SEC24B: variants seen among roughly 807,000 people sequenced by gnomAD.
SEC24B encodes protein transport protein Sec24B.
SEC24B carries 45 observed loss-of-function variants against 142.8 expected under a neutral mutation model. That is an observed-to-expected ratio of 0.32 (90% CI 0.25 to 0.40). The LOEUF is 0.40. Ranked by LOEUF, SEC24B falls within the 10% of genes least tolerant of loss-of-function variation. The pLI, the probability that SEC24B is intolerant of heterozygous loss-of-function variation, is 1.00. For synonymous variants in SEC24B, 574 were observed against 568.2 expected, an observed-to-expected ratio of 1.01 and a Z score of -0.15; for missense variants, 1,409 against 1,526.8, an observed-to-expected ratio of 0.92 and a Z score of 1.29.
At chr4:109,488,953 T>A (rs1168758531) in intron 4 of SEC24B, among the ~76,000 whole-genome samples, 1 of 152,144 alleles carries the variant, frequency 6.6e-6, no homozygotes. Flanking sequence ...TTTGGTTATT[T>A]GTTGTTTTAT....
chr4:109,482,977 T>TACACACAC (rs1328212925), intron 4 of SEC24B, among the ~76,000 whole-genome samples: 7 of 47,462 alleles, frequency 1.5e-4, no homozygotes, highest in African/African-American at 3.0e-4. Flanking sequence ...TATATATATA[T>TACACACAC]ATACACACAC....
chr4:109,435,013 A>C (rs1409762348), intron 1 of SEC24B, among the ~76,000 whole-genome samples: 4 of 152,260 alleles, frequency 2.6e-5, no homozygotes, highest in Admixed American at 2.6e-4. Flanking sequence ...GACTGAATTT[A>C]GAAAAATACC....
chr4:109,530,458 C>G lies in SEC24B; in HGVS notation c.3246C>G (p.Leu1082=). Residue 1082 remains leucine, a synonymous_variant, in exon 19 of 24, where the codon CTC becomes CTG. Transcript: ENST00000265175. ...KLFPLYVLAL[L]KQKAFRTGTS... ...TTCCTCTCTATGTTTTGGCCCTTCTCAAACAGGTAGCTTTTTATACATTGC... is the reference window on the plus strand; with the variant it reads ...TTCCTCTCTATGTTTTGGCCCTTCTGAAACAGGTAGCTTTTTATACATTGC... 1 of 1,612,796 alleles carries G rather than the reference C, an allele frequency of 6.2e-7. No individual in the cohort carries two copies. Among genetic ancestry groups the G allele is most frequent in the Non-Finnish European group, 8.5e-7 (1 of 1,179,316 alleles).
intron 1 of SEC24B, among the ~76,000 whole-genome samples, chr4:109,444,206 C>T (rs1262645264): frequency 2.2e-5 from 3 of 138,080 alleles, no homozygotes; most frequent in African/African-American, 8.9e-5. Flanking sequence ...AAGAGCTAAA[C>T]TCCATCTCAA....
At chr4:109,483,365 C>A (rs1337890145) in intron 4 of SEC24B, among the ~76,000 whole-genome samples, 1 of 152,040 alleles carries the variant, frequency 6.6e-6, no homozygotes, top group Non-Finnish European at 1.5e-5. Context: ...AGGTGTGAGC[C>A]ACAGTGCCCG....
intron 11 of SEC24B, among the ~76,000 whole-genome samples, chr4:109,517,959 A>G (rs989072873): frequency 4.7e-5 from 7 of 150,186 alleles, no homozygotes; most frequent in African/African-American, 1.5e-4. Context: ...TTATTTATTT[A>G]TTTATTTATT....
intron 8 of SEC24B, 90 bp downstream of exon 8, chr4:109,510,201 T>C (rs1325754894): frequency 5.3e-6 from 3 of 562,470 alleles, no homozygotes; most frequent in Non-Finnish European, 5.7e-6. Flanking sequence ...GAATTTTCTA[T>C]ATCTTCTTTT....
At chr4:109,448,979 A>G (rs936293580) in intron 1 of SEC24B, among the ~76,000 whole-genome samples, 6 of 143,622 alleles carry the variant, frequency 4.2e-5, no homozygotes, top group East Asian at 2.0e-4. Context: ...AAGAGTACTG[A>G]TTGGGTATTT....
At position 109,472,889 on chromosome 4, in the gene SEC24B, T is replaced by TTATTATATAATTATATTATA. The variant is rs545814325; in HGVS notation, c.878-105_878-86dup. 1.7e-3 allele frequency: 545 copies of TTATTATATAATTATATTATA among 323,434 alleles called. 3 individuals are homozygous for TTATTATATAATTATATTATA. The highest frequency in any genetic ancestry group is 0.011 in the African/African-American group (506 of 44,808). The allele number at this position is 323,434 out of a possible 1,614,324, so 20.0% of individuals were successfully genotyped here. A position where few individuals can be genotyped will look rare whatever the true frequency, so the allele number is the denominator to read the frequency against. ...TAAACTATTTTGTTAGTGATATATA[T>TTATTATATAATTATATTATA]TATTATATAATTATATTATATATTA... On this transcript the variant is annotated intron_variant, in intron 2 of 23. Coordinates refer to ENST00000265175, the MANE Select transcript of SEC24B (RefSeq NM_006323.5).
intron 1 of SEC24B, among the ~76,000 whole-genome samples, chr4:109,457,029 G>T (rs1269186737): frequency 1.3e-5 from 2 of 152,124 alleles, no homozygotes; most frequent in Non-Finnish European, 2.9e-5. Context: ...AGCCATCATT[G>T]CTTTTGTATC....
chr4:109,530,574 C>T, intron 19 of SEC24B, 110 bp downstream of exon 19: 1 of 887,680 alleles, frequency 1.1e-6, no homozygotes, highest in Non-Finnish European at 1.7e-6. Flanking sequence ...GAGGATTATT[C>T]ACTTTAGCAT....
At chr4:109,482,757 A>C (rs1160766866) in intron 4 of SEC24B, among the ~76,000 whole-genome samples, 1 of 145,458 alleles carries the variant, frequency 6.9e-6, no homozygotes, top group Non-Finnish European at 1.5e-5. Flanking sequence ...TCCTGTCTCA[A>C]CTCCCACATA....
chr4:109,523,094 T>G (rs745651596), intron 14 of SEC24B, among the ~76,000 whole-genome samples: 1 of 152,068 alleles, frequency 6.6e-6, no homozygotes. Flanking sequence ...CCTTAGCTAC[T>G]CAAGAGGCTG....
chr4:109,448,360 A>G (rs1729680319), intron 1 of SEC24B, among the ~76,000 whole-genome samples: 2 of 152,266 alleles, frequency 1.3e-5, no homozygotes, highest in South Asian at 2.1e-4. Flanking sequence ...GTGTCATACA[A>G]TTTAATAGGT....
Position 109,481,637 on chromosome 4 carries a change from T to C in SEC24B, c.1061-40T>C, listed in dbSNP as rs201907435. ...TCAAATTTTTATTTCTCATCTTTCCTGTTGGTTTGACTCTTATGTTTGTGC... is the reference window on the plus strand; with the variant it reads ...TCAAATTTTTATTTCTCATCTTTCCCGTTGGTTTGACTCTTATGTTTGTGC... On this transcript the variant is annotated intron_variant, in intron 3 of 23. Transcript: ENST00000265175. The C allele has an allele frequency of 2.0e-5, 27 of 1,375,454 alleles. No homozygotes were observed. The African/African-American group carries it at 3.2e-4, about 16-fold the overall frequency. 85.2% of individuals were successfully genotyped at this position (1,375,454 alleles called of 1,614,324 possible).
intron 6 of SEC24B, among the ~76,000 whole-genome samples, chr4:109,502,333 T>C (rs1736235620): frequency 6.6e-6 from 1 of 152,232 alleles, no homozygotes; most frequent in African/African-American, 2.4e-5. Context: ...TAGGATGACA[T>C]CTAATTTACA....
At chr4:109,475,986 C>CT (rs1733087450) in intron 3 of SEC24B, among the ~76,000 whole-genome samples, 1 of 140,176 alleles carries the variant, frequency 7.1e-6, no homozygotes, top group Admixed American at 6.8e-5. Context: ...CTTTTTCTCT[C>CT]TCTCTTTTTT....
chr4:109,477,163 A>T (rs944926888), intron 3 of SEC24B, among the ~76,000 whole-genome samples: 2 of 148,456 alleles, frequency 1.3e-5, no homozygotes, highest in Non-Finnish European at 1.5e-5. Flanking sequence ...AAAAAAAAAA[A>T]AAGACCTACA....
chr4:109,530,619 G>GAAAA (rs1243395251), intron 19 of SEC24B, among the ~76,000 whole-genome samples, 155 bp downstream of exon 19: 1 of 151,910 alleles, frequency 6.6e-6, no homozygotes, highest in Admixed American at 6.6e-5. Flanking sequence ...AAGATCAATG[G>GAAAA]GGCCATGCAT....
Sources: gnomAD v4.1 joint callset for allele counts (sites outside exome capture counted in the v4.1 genomes callset) on GRCh38, gnomAD v4.1.1 for gene constraint, MANE v1.5 for transcripts, NCBI Gene and HGNC (gene_info 2026-07-23, HGNC 2026-07-21) for gene names.